EMSY: variants seen among roughly 807,000 people sequenced by gnomAD.
EMSY encodes the protein BRCA2-interacting transcriptional repressor EMSY.
In EMSY, 26 loss-of-function variants were observed where a neutral mutation model predicts 134.6. That is an observed-to-expected ratio of 0.19 (90% CI 0.14 to 0.27). The LOEUF is 0.27. EMSY is among the 10% of genes least tolerant of loss of function. EMSY has a pLI of 1.00. For missense variants in EMSY, 1,305 were observed against 1,611.4 expected, an observed-to-expected ratio of 0.81 and a Z score of 3.26; for synonymous variants, 579 against 577.8, an observed-to-expected ratio of 1.00 and a Z score of -0.03.
chr11:76,449,980 G>C (rs924293926), intron 2 of EMSY, among the ~76,000 whole-genome samples: 2 of 151,434 alleles, frequency 1.3e-5, no homozygotes, highest in Non-Finnish European at 2.9e-5. Flanking sequence ...CTCAAACATA[G>C]TTACTGACTG....
At position 76,480,506 on chromosome 11, in the gene EMSY, A is replaced by T. The variant is rs1273605895; in HGVS notation, c.1108+7666A>T. Reference sequence around the variant, plus strand: ...CTTCCAGTTGAAATTCTCCTCAAAAATAATGTTTATGCCATGTACTTTCCC... The same window carrying T: ...CTTCCAGTTGAAATTCTCCTCAAAATTAATGTTTATGCCATGTACTTTCCC... On this transcript the variant is annotated intron_variant, in intron 8 of 20. Transcript: ENST00000334736. Among the ~76,000 whole-genome samples the T allele has an allele frequency of 2.7e-3, 413 of 152,302 alleles. 1 individual carries two copies. The highest frequency in any genetic ancestry group is 9.1e-3 in the African/African-American group (379 of 41,560).
At chr11:76,455,484 T>G (rs983775627) in intron 4 of EMSY, among the ~76,000 whole-genome samples, 1 of 152,032 alleles carries the variant, frequency 6.6e-6, no homozygotes, top group African/African-American at 2.4e-5. Context: ...TAGGAGGGCT[T>G]CATACTCCAA....
In EMSY at chr11:76,536,055, A is replaced by C. The variant is rs148521960; in HGVS notation, c.2355A>C (p.Thr785=). The C allele has an allele frequency of 2.6e-6, 4 of 1,547,616 alleles. No homozygotes were observed. In the African/African-American group the frequency reaches 5.5e-5, roughly 21 times the overall value. The stretch of plus-strand genomic sequence containing the variant: ...AAGCTCTGTTAGAACTCCAACAGAC[A>C]ACAGGTATGAATTCACATGCTCAAT... The change falls in exon 15 of 21, where the codon ACA becomes ACC. Residue 785 remains threonine (T), a synonymous_variant. Coordinates refer to ENST00000334736, the Ensembl canonical transcript of EMSY.
chr11:76,449,578 TG>T (rs1318967251), intron 2 of EMSY, among the ~76,000 whole-genome samples: 2 of 152,228 alleles, frequency 1.3e-5, no homozygotes, highest in Non-Finnish European at 2.9e-5. Flanking sequence ...TTTCTTTTTA[TG>T]GCATTGCCAT....
At chr11:76,472,263 C>G (rs1323298483) in intron 7 of EMSY, among the ~76,000 whole-genome samples, 1 of 152,138 alleles carries the variant, frequency 6.6e-6, no homozygotes, top group Non-Finnish European at 1.5e-5. Flanking sequence ...AAATTACTTT[C>G]TAGAAAGAGT....
intron 9 of EMSY, among the ~76,000 whole-genome samples, chr11:76,509,255 G>A (rs1714933067): frequency 6.6e-6 from 1 of 152,134 alleles, no homozygotes; most frequent in South Asian, 2.1e-4. Context: ...CACTTTGGGA[G>A]GCCAAGGAGT....
At chr11:76,544,846 A>G (rs775484822) in intron 19 of EMSY, 24 bp downstream of exon 20, 4 of 1,605,750 alleles carry the variant, frequency 2.5e-6, no homozygotes, top group South Asian at 1.1e-5. Flanking sequence ...GATAGCATGC[A>G]AAGTTAAACT....
At chr11:76,458,508 C>G in intron 5 of EMSY, 150 bp downstream of exon 6, 4 of 807,508 alleles carry the variant, frequency 5.0e-6, no homozygotes, top group Non-Finnish European at 7.0e-6. Flanking sequence ...TGAAATTAGA[C>G]TGCCAGGTTT....
At chr11:76,456,889 C>T (rs1022931153) in intron 4 of EMSY, among the ~76,000 whole-genome samples, 6 of 152,220 alleles carry the variant, frequency 3.9e-5, no homozygotes, top group African/African-American at 1.2e-4. Context: ...ACATCAAAGG[C>T]AAAACCCATT....
chr11:76,494,659 C>T (rs201975737), intron 8 of EMSY, among the ~76,000 whole-genome samples: 3 of 2,462 alleles, frequency 1.2e-3, no homozygotes, highest in South Asian at 0.017. Flanking sequence ...CCCTTCCTTC[C>T]TTCCTTCCTT....
chr11:76,494,688 TTCCTTCCTTCCTTC>T (rs1949566229), intron 8 of EMSY, among the ~76,000 whole-genome samples: 3 of 107,986 alleles, frequency 2.8e-5, no homozygotes, highest in African/African-American at 7.2e-5. Context: ...CCTTCCTTCC[TTCCTTCCTTCCTTC>T]CTTCCTTCCT....
At chr11:76,458,427 G>T in intron 5 of EMSY, 69 bp downstream of exon 6, 1 of 1,437,374 alleles carries the variant, frequency 7.0e-7, no homozygotes. Context: ...TTCAAGAAAA[G>T]TTGTCTTATT....
At chr11:76,548,683 A>G (rs1951740299) in intron 20 of EMSY, among the ~76,000 whole-genome samples, 1 of 152,240 alleles carries the variant, frequency 6.6e-6, no homozygotes, top group Non-Finnish European at 1.5e-5. Flanking sequence ...ATAGTCTTAC[A>G]CAATTATCAG....
chr11:76,495,104 G>A (rs1169089487), intron 8 of EMSY, among the ~76,000 whole-genome samples: 2 of 152,142 alleles, frequency 1.3e-5, no homozygotes, highest in African/African-American at 2.4e-5. Flanking sequence ...AGAGACACAG[G>A]GCAAGGAAAA....
At chr11:76,504,894 G>A (rs981193419) in intron 9 of EMSY, among the ~76,000 whole-genome samples, 1 of 152,118 alleles carries the variant, frequency 6.6e-6, no homozygotes, top group Admixed American at 6.5e-5. Context: ...AGTTCAAGAA[G>A]CCAGTTACAG....
chr11:76,506,669 C>T (rs557351119), intron 9 of EMSY, among the ~76,000 whole-genome samples: 65 of 152,294 alleles, frequency 4.3e-4, no homozygotes, highest in African/African-American at 1.2e-3. Context: ...ATAACATCCA[C>T]CCGCCCCTAT....
chr11:76,451,369 A>C (rs1234920834), intron 2 of EMSY, among the ~76,000 whole-genome samples: 1 of 152,192 alleles, frequency 6.6e-6, no homozygotes, highest in Non-Finnish European at 1.5e-5. Context: ...CTGGAGTCAG[A>C]ATATTTTGTT....
chr11:76,504,492 A>G lies in EMSY; in HGVS notation c.1363+8023A>G, dbSNP rs11236768. On this transcript the variant is annotated intron_variant, in intron 9 of 20. Coordinates refer to ENST00000334736, the Ensembl canonical transcript of EMSY. Reference sequence around the variant, plus strand: ...AGAATCACAGTGAAATATACTTTACACAAAGCAGACTGCCTAGAATCAATG... The same window carrying G: ...AGAATCACAGTGAAATATACTTTACGCAAAGCAGACTGCCTAGAATCAATG... 6.8e-3 allele frequency among the ~76,000 whole-genome samples: 1,035 copies of G among 152,308 alleles called. 11 individuals are homozygous for G. The highest frequency in any genetic ancestry group is 0.024 in the African/African-American group (979 of 41,566).
chr11:76,448,826 A>G (rs1367444080), intron 2 of EMSY, among the ~76,000 whole-genome samples: 1 of 152,166 alleles, frequency 6.6e-6, no homozygotes, highest in Non-Finnish European at 1.5e-5. Flanking sequence ...AATTAGCTGT[A>G]TCCTTTAAAA....
Sources: allele counts gnomAD v4.1 joint callset (sites outside exome capture counted in the v4.1 genomes callset), GRCh38; gene constraint gnomAD v4.1.1; transcripts MANE v1.5; gene names NCBI Gene and HGNC (gene_info 2026-07-23, HGNC 2026-07-21).